Variants in LSAMP observed in about 807,000 individuals in gnomAD.
LSAMP encodes limbic system associated membrane protein.
A neutral mutation model predicts 38.6 loss-of-function variants in LSAMP; 7 were observed. That is an observed-to-expected ratio of 0.18 (90% CI 0.10 to 0.34). The LOEUF is 0.34. LSAMP is among the 10% of genes least tolerant of loss of function. The probability of loss-of-function intolerance (pLI) is 1.00; values close to 1 mark genes in which losing one functional copy is unlikely to be tolerated. For synonymous variants in LSAMP, 154 were observed against 166.8 expected (o/e 0.92, Z 0.59); for missense variants, 313 against 420.0 (o/e 0.75, Z 2.23).
At chr3:115,834,715 C>T in intron 6 of LSAMP, 1 of 336,662 alleles carries the variant, frequency 3.0e-6, no homozygotes, top group Non-Finnish European at 4.8e-6. Flanking sequence ...CTTACAGGAT[C>T]ATATCTCTCA....
At chr3:116,340,580 G>A (rs947025302) in intron 1 of LSAMP, among the ~76,000 whole-genome samples, 2 of 151,920 alleles carry the variant, frequency 1.3e-5, no homozygotes, top group African/African-American at 4.8e-5. Context: ...CATATGAGGA[G>A]TCATTTTTAA....
intron 4 of LSAMP, among the ~76,000 whole-genome samples, chr3:115,851,088 C>T (rs1268282759): frequency 6.6e-6 from 1 of 152,120 alleles, no homozygotes. Flanking sequence ...ATTCTTCTGC[C>T]TCAGCCTCCT....
At chr3:116,042,431 CTTTT>C (rs1013336834) in intron 2 of LSAMP, among the ~76,000 whole-genome samples, 19 of 134,860 alleles carry the variant, frequency 1.4e-4, no homozygotes, top group African/African-American at 4.1e-4. Context: ...AAGAGCATTT[CTTTT>C]TTTTTTTTTT....
chr3:116,335,759 T>A (rs1393757537), intron 1 of LSAMP, among the ~76,000 whole-genome samples: 1 of 152,042 alleles, frequency 6.6e-6, no homozygotes, highest in Non-Finnish European at 1.5e-5. Context: ...TAGCTTAAAG[T>A]TGGGCAAAAT....
At chr3:116,049,906 A>G (rs1444311904) in intron 2 of LSAMP, among the ~76,000 whole-genome samples, 1 of 152,186 alleles carries the variant, frequency 6.6e-6, no homozygotes, top group Non-Finnish European at 1.5e-5. Flanking sequence ...TATTTGACAG[A>G]GAAGCTGTCC....
At chr3:115,828,566 G>A (rs1240101425) in intron 6 of LSAMP, among the ~76,000 whole-genome samples, 1 of 152,184 alleles carries the variant, frequency 6.6e-6, no homozygotes, top group Non-Finnish European at 1.5e-5. Context: ...GACCAGAGGA[G>A]CCTGTGTCAG....
chr3:116,356,305 A>G (rs2048222995), intron 1 of LSAMP, among the ~76,000 whole-genome samples: 1 of 152,234 alleles, frequency 6.6e-6, no homozygotes. Context: ...GACATTGTTA[A>G]GTGAAGTAAG....
At chr3:115,833,724 T>C (rs774270826) in intron 6 of LSAMP, among the ~76,000 whole-genome samples, 1 of 152,172 alleles carries the variant, frequency 6.6e-6, no homozygotes, top group African/African-American at 2.4e-5. Flanking sequence ...GGATTTATTT[T>C]TTCCACGCCA....
chr3:116,259,315 T>C (rs1453292749), intron 1 of LSAMP, among the ~76,000 whole-genome samples: 1 of 152,148 alleles, frequency 6.6e-6, no homozygotes, highest in Admixed American at 6.6e-5. Context: ...AGACAGGAGT[T>C]AAAAACACTC....
intron 3 of LSAMP, among the ~76,000 whole-genome samples, chr3:116,019,168 G>C (rs963624126): frequency 2.4e-5 from 3 of 124,880 alleles, no homozygotes; most frequent in East Asian, 2.9e-4. Flanking sequence ...GGGGGGGGGG[G>C]GGCTGTTCTA....
At chr3:115,852,254 G>A (rs962284771) in intron 4 of LSAMP, among the ~76,000 whole-genome samples, 1 of 152,210 alleles carries the variant, frequency 6.6e-6, no homozygotes, top group Non-Finnish European at 1.5e-5. Flanking sequence ...TTTAGTCTGA[G>A]TAGAAAAGGG....
chr3:115,916,721 T>C (rs1198097509), intron 3 of LSAMP, among the ~76,000 whole-genome samples: 4 of 152,346 alleles, frequency 2.6e-5, no homozygotes, highest in African/African-American at 9.6e-5. Context: ...GATAACAATC[T>C]GATCAAGTAG....
At chr3:116,338,192 A>C (rs1458818793) in intron 1 of LSAMP, among the ~76,000 whole-genome samples, 1 of 152,004 alleles carries the variant, frequency 6.6e-6, no homozygotes, top group African/African-American at 2.4e-5. Context: ...CATAGCTATG[A>C]AGAAGTGATT....
intron 3 of LSAMP, among the ~76,000 whole-genome samples, chr3:115,889,962 C>G (rs1936553858): frequency 6.6e-6 from 1 of 151,962 alleles, no homozygotes; most frequent in African/African-American, 2.4e-5. Flanking sequence ...AAAACACACT[C>G]TTTTGCAACT....
At chr3:116,060,895 C>A (rs1274292084) in intron 2 of LSAMP, among the ~76,000 whole-genome samples, 1 of 151,068 alleles carries the variant, frequency 6.6e-6, no homozygotes, top group African/African-American at 2.4e-5. Context: ...AAATAAAATA[C>A]CACAATGAGA....
At chr3:116,388,514 G>T (rs1267732674) in intron 1 of LSAMP, among the ~76,000 whole-genome samples, 2 of 152,096 alleles carry the variant, frequency 1.3e-5, no homozygotes, top group Non-Finnish European at 2.9e-5. Flanking sequence ...GCTCTAAAAC[G>T]CACGAAAATA....
chr3:116,006,050 G>A (rs1940150571), intron 3 of LSAMP, among the ~76,000 whole-genome samples: 1 of 152,170 alleles, frequency 6.6e-6, no homozygotes, highest in Non-Finnish European at 1.5e-5. Flanking sequence ...CAGAAGTCCT[G>A]ATGATCAGCA....
chr3:115,958,927 C>T (rs1473684692), intron 3 of LSAMP, among the ~76,000 whole-genome samples: 1 of 152,114 alleles, frequency 6.6e-6, no homozygotes, highest in African/African-American at 2.4e-5. Flanking sequence ...GACTGTAGGC[C>T]ACCCATAGGC....
At chr3:116,072,374 T>C (rs924562177) in intron 2 of LSAMP, among the ~76,000 whole-genome samples, 4 of 152,214 alleles carry the variant, frequency 2.6e-5, no homozygotes, top group Non-Finnish European at 5.9e-5. Context: ...TGAGTGCATG[T>C]ATCTTTATAA....
Sources: gnomAD v4.1 joint callset for allele counts (sites outside exome capture counted in the v4.1 genomes callset) on GRCh38, gnomAD v4.1.1 for gene constraint, MANE v1.5 for transcripts, NCBI Gene and HGNC (gene_info 2026-07-23, HGNC 2026-07-21) for gene names.